IPO7: variants seen among roughly 807,000 people sequenced by gnomAD.
IPO7 encodes importin 7.
IPO7 carries 13 observed loss-of-function variants against 136.4 expected under a neutral mutation model. The ratio of observed to expected loss-of-function variants is 0.10; its 90% confidence interval spans 0.06 to 0.15. The LOEUF (loss-of-function observed/expected upper bound fraction) is 0.15, where lower values mean the gene tolerates loss of function less well. Among genes scored for constraint, IPO7 ranks in the 10% least tolerant of loss-of-function variants. The pLI is 1.00. For missense variants in IPO7, 857 were observed against 1,240.6 expected (o/e 0.69, Z 4.65); for synonymous variants, 403 against 404.4 (o/e 1.00, Z 0.04).
chr11:9,442,184 A>G lies in IPO7; in HGVS notation c.3006A>G (p.Arg1002=), dbSNP rs1194069755. ...ACATAGCAACTCTGGCTGATCAAAG[A>G]AGAGCAGCCCATGGTATGTTAATTA... is the stretch of plus-strand genomic sequence containing the variant. The part of the protein sequence containing the change: ...LQDIATLADQ[R]RAAHESKMIE... The change falls in exon 24 of 25, where the codon AGA becomes AGG. Residue 1002 remains arginine (R), a synonymous_variant. Coordinates refer to ENST00000379719, the MANE Select transcript of IPO7 (RefSeq NM_006391.3). 1 of 1,550,450 alleles carries G rather than the reference A, an allele frequency of 6.4e-7. No homozygotes were observed. Among genetic ancestry groups the G allele is most frequent in the Admixed American group, 1.7e-5 (1 of 59,778 alleles).
At position 9,408,542 on chromosome 11, in the gene IPO7, C is replaced by T; in HGVS notation, c.223C>T (p.Pro75Ser). 1 of 1,600,176 alleles carries T rather than the reference C, an allele frequency of 6.2e-7. No homozygotes were observed. The highest frequency in any genetic ancestry group is 8.5e-7 in the Non-Finnish European group (1 of 1,171,294). The change falls in exon 3 of 25, where the codon CCA (proline) becomes TCA (serine). Residue 75 changes from proline (P) to serine (S), a missense_variant. Transcript: ENST00000379719. ...TQYWPDRETA[P>S]GDISPYTIPE... ...GTATTGGCCTGATCGAGAAACAGCA[C>T]CAGGGGATATATCCCCTTATACTAT...
intron 1 of IPO7, among the ~76,000 whole-genome samples, chr11:9,397,341 A>AAAAAAAAAAAAATATATATATATATATAT: frequency 4.6e-4 from 5 of 10,756 alleles, no homozygotes; most frequent in South Asian, 6.6e-3. Context: ...TTTAAAAAAA[A>AAAAAAAAAAAAATATATATATATATATAT]ATATATATAT....
intron 12 of IPO7, among the ~76,000 whole-genome samples, chr11:9,426,745 C>T (rs965603119): frequency 3.9e-5 from 6 of 151,940 alleles, no homozygotes; most frequent in Non-Finnish European, 7.4e-5. Context: ...AAAAAAATTG[C>T]TTGCCTTTGT....
intron 6 of IPO7, among the ~76,000 whole-genome samples, chr11:9,419,431 C>T (rs1855092277): frequency 6.6e-6 from 1 of 151,126 alleles, no homozygotes; most frequent in African/African-American, 2.4e-5. Flanking sequence ...GCCTGTAGTC[C>T]CAGCTACTCG....
intron 1 of IPO7, among the ~76,000 whole-genome samples, chr11:9,387,796 A>G (rs1854572455): frequency 1.3e-5 from 2 of 151,524 alleles, no homozygotes; most frequent in Non-Finnish European, 2.9e-5. Flanking sequence ...GTGCCACTGC[A>G]CTCCAGCCTG....
intron 23 of IPO7, among the ~76,000 whole-genome samples, chr11:9,441,716 C>T (rs1434043034): frequency 6.6e-6 from 1 of 152,158 alleles, no homozygotes; most frequent in Non-Finnish European, 1.5e-5. Flanking sequence ...ACCACAGTAG[C>T]CTTGATGATT....
At chr11:9,435,187 A>G (rs1230294021) in intron 19 of IPO7, among the ~76,000 whole-genome samples, 156 bp downstream of exon 19, 1 of 152,228 alleles carries the variant, frequency 6.6e-6, no homozygotes, top group Non-Finnish European at 1.5e-5. Flanking sequence ...TGGTCCCTAG[A>G]TGCCACAGTT....
At chr11:9,408,704 G>GTTTTTT (rs377057603) in intron 3 of IPO7, 65 bp downstream of exon 3, 19 of 173,318 alleles carry the variant, frequency 1.1e-4, no homozygotes, top group Middle Eastern at 2.1e-3. Flanking sequence ...TTGTTTTTTG[G>GTTTTTT]TTTTTTTTTT....
At chr11:9,393,739 C>G (rs923095290) in intron 1 of IPO7, among the ~76,000 whole-genome samples, 1 of 151,928 alleles carries the variant, frequency 6.6e-6, no homozygotes, top group Non-Finnish European at 1.5e-5. Context: ...GCATGAATTA[C>G]TTTTGAAAAT....
At chr11:9,385,736 C>T (rs1385441101) in intron 1 of IPO7, among the ~76,000 whole-genome samples, 2 of 150,888 alleles carry the variant, frequency 1.3e-5, no homozygotes, top group East Asian at 3.9e-4. Flanking sequence ...TTTTTTTTTT[C>T]CCCCATATTT....
intron 1 of IPO7, among the ~76,000 whole-genome samples, chr11:9,395,306 C>T (rs550418014): frequency 1.3e-5 from 2 of 151,972 alleles, no homozygotes; most frequent in Non-Finnish European, 1.5e-5. Context: ...TGCAGTGGTA[C>T]GATCTCGGCT....
At chr11:9,429,880 T>G in intron 15 of IPO7, 46 bp downstream of exon 15, 1 of 1,414,368 alleles carries the variant, frequency 7.1e-7, no homozygotes, top group South Asian at 1.3e-5. Context: ...TTAATGTAGC[T>G]CTCAGTATGT....
Position 9,417,076 on chromosome 11 carries a change from A to G in IPO7, c.654A>G (p.Glu218=). 1.3e-6 allele frequency: 2 copies of G among 1,532,406 alleles called. No homozygotes were observed. The highest frequency in any genetic ancestry group is 1.8e-6 in the Non-Finnish European group (2 of 1,107,786). The allele number at this position is 1,532,406 out of a possible 1,614,324, so 94.9% of individuals were successfully genotyped here. The change falls in exon 6 of 25, where the codon GAA becomes GAG. Residue 218 remains glutamate (E), a synonymous_variant. Coordinates refer to ENST00000379719, the MANE Select transcript of IPO7 (RefSeq NM_006391.3). ...YALVQYTLPL[E]LINQQNLTEW... The stretch of plus-strand genomic sequence containing the variant: ...TTATTTAGTATACACTACCACTGGA[A>G]CTGATAAACCAACAGAACCTGACAG...
Position 9,414,619 on chromosome 11 carries a change from C to CTTTTTTTTTTTTTTTTTT in IPO7, c.636+218_636+235dup, listed in dbSNP as rs1164303193. ...AAATACATAAACAACCCTAATGAAT[C>CTTTTTTTTTTTTTTTTTT]TTTTTTTTTTTTTTTTTTTTTTTTT... On this transcript the variant is annotated intron_variant, in intron 5 of 24. Transcript: ENST00000379719. 9.8e-5 allele frequency: 7 copies of CTTTTTTTTTTTTTTTTTT among 71,068 alleles called. 2 individuals carry two copies. Among genetic ancestry groups the CTTTTTTTTTTTTTTTTTT allele is most frequent in the African/African-American group, 1.1e-4 (2 of 18,018 alleles). The allele number at this position is 71,068 out of a possible 1,614,324, so 4.4% of individuals were successfully genotyped here. A position where few individuals can be genotyped will look rare whatever the true frequency, so the allele number is the denominator to read the frequency against.
At chr11:9,443,861 C>A (rs905245770) in intron 24 of IPO7, among the ~76,000 whole-genome samples, 10 of 151,776 alleles carry the variant, frequency 6.6e-5, no homozygotes, top group African/African-American at 2.4e-4. Flanking sequence ...TATTGTGCCA[C>A]TGTACTCTAG....
rs371430578 is a variant in IPO7, at chr11:9,384,724, G to T, written c.-40G>T. ...AGTGAGTGGCGCTATTCCTGGCCCA[G>T]TAGCACCCGAGCCCCGGGTTTGACC... On this transcript the variant is annotated 5_prime_UTR_variant, in exon 1 of 25. Coordinates refer to ENST00000379719, the MANE Select transcript of IPO7 (RefSeq NM_006391.3). The T allele has an allele frequency of 1.3e-6, 2 of 1,524,816 alleles. No homozygotes were observed. Among genetic ancestry groups the T allele is most frequent in the Non-Finnish European group, 1.8e-6 (2 of 1,121,548 alleles). 94.5% of individuals were successfully genotyped at this position (1,524,816 alleles called of 1,614,324 possible).
chr11:9,437,720 T>C (rs1212692400), intron 20 of IPO7, 34 bp from the exon 21 acceptor site: 1 of 1,432,666 alleles, frequency 7.0e-7, no homozygotes, highest in East Asian at 2.3e-5. Context: ...CTATTAATTA[T>C]AGTCTTAGAA....
chr11:9,393,058 A>G (rs1363002208), intron 1 of IPO7, among the ~76,000 whole-genome samples: 2 of 152,182 alleles, frequency 1.3e-5, no homozygotes, highest in Non-Finnish European at 2.9e-5. Flanking sequence ...TTTTGAAGAC[A>G]TGAGTTACAT....
chr11:9,443,475 C>T (rs1173156483), intron 24 of IPO7, among the ~76,000 whole-genome samples: 2 of 151,524 alleles, frequency 1.3e-5, no homozygotes, highest in African/African-American at 4.9e-5. Flanking sequence ...CCTGTAATCC[C>T]AGCTACTCGG....
Sources: gnomAD v4.1 joint callset for allele counts (sites outside exome capture counted in the v4.1 genomes callset) on GRCh38, gnomAD v4.1.1 for gene constraint, MANE v1.5 for transcripts, NCBI Gene and HGNC (gene_info 2026-07-23, HGNC 2026-07-21) for gene names.